Variants in PPFIA2 observed in about 807,000 individuals in gnomAD.
PPFIA2 encodes PPFI scaffold protein A2.
In PPFIA2, 46 loss-of-function variants were observed where a neutral mutation model predicts 175.5. The observed-to-expected ratio is 0.26, with a 90% confidence interval of 0.21 to 0.34. The LOEUF (loss-of-function observed/expected upper bound fraction) is 0.34, where lower values mean the gene tolerates loss of function less well. Among genes scored for constraint, PPFIA2 ranks in the 10% least tolerant of loss-of-function variants. PPFIA2 has a pLI of 1.00. For missense variants in PPFIA2, 1,179 were observed against 1,506.1 expected (o/e 0.78, Z 3.60); for synonymous variants, 568 against 511.4 (o/e 1.11, Z -1.49).
intron 3 of PPFIA2, among the ~76,000 whole-genome samples, chr12:81,681,500 G>C (rs1299792641): frequency 6.6e-6 from 1 of 151,976 alleles, no homozygotes; most frequent in African/African-American, 2.4e-5. Flanking sequence ...GTGAGACTTA[G>C]GGCATTCTCA....
At chr12:81,517,149 T>C (rs1259507707) in intron 4 of PPFIA2, among the ~76,000 whole-genome samples, 2 of 146,126 alleles carry the variant, frequency 1.4e-5, no homozygotes, top group Non-Finnish European at 3.0e-5. Flanking sequence ...TGTTCAGAGC[T>C]CTAGTAGAAG....
Position 81,562,846 on chromosome 12 carries a change from CAAAAAAAAAAAAAAAA to C in PPFIA2, c.304-104996_304-104981del, listed in dbSNP as rs11475809. On this transcript the variant is annotated intron_variant, in intron 4 of 32. Transcript: ENST00000549396. ...TGGGCGACAGAGCGAGACTCTGTCT[CAAAAAAAAAAAAAAAA>C]AAAAAAAAAAAAAGAGAGAGTATGT... Among the ~76,000 whole-genome samples the C allele has an allele frequency of 0.014, 417 of 29,618 alleles. 27 individuals carry two copies. In the East Asian group the frequency reaches 0.27, roughly 19 times the overall value. 19.4% of individuals were successfully genotyped at this position (29,618 alleles called of 152,430 possible).
intron 4 of PPFIA2, among the ~76,000 whole-genome samples, chr12:81,479,225 G>C (rs2057880328): frequency 6.6e-6 from 1 of 152,100 alleles, no homozygotes; most frequent in Admixed American, 6.6e-5. Context: ...TTTTATCAGA[G>C]ACCAGGATTG....
chr12:81,553,753 C>T (rs1178129878), intron 4 of PPFIA2, among the ~76,000 whole-genome samples: 1 of 151,978 alleles, frequency 6.6e-6, no homozygotes, highest in Admixed American at 6.6e-5. Flanking sequence ...CATTGAGAGA[C>T]TTTGGGTGAG....
chr12:81,375,449 C>G (rs1234497673), intron 10 of PPFIA2, among the ~76,000 whole-genome samples: 1 of 152,124 alleles, frequency 6.6e-6, no homozygotes, highest in Non-Finnish European at 1.5e-5. Flanking sequence ...GAAAGTCTGA[C>G]TGTCTCTGAA....
chr12:81,263,336 G>A lies in PPFIA2; in HGVS notation c.3610C>T (p.Arg1204Cys), dbSNP rs1452361371. The A allele has an allele frequency of 2.5e-6, 4 of 1,612,674 alleles. No individual in the cohort carries two copies. The highest frequency in any genetic ancestry group is 1.3e-5 in the African/African-American group (1 of 74,884). ...GSTWRRQFPP[R>C]EVHGISMMPG... Reference sequence around the variant, plus strand: ...ATCATGCTGATTCCATGTACTTCACGAGGAGGAAACTGCCTTCTCCAGGTT... The same window carrying A: ...ATCATGCTGATTCCATGTACTTCACAAGGAGGAAACTGCCTTCTCCAGGTT... The change falls in exon 31 of 33, where the codon CGT becomes TGT. Residue 1204 changes from arginine to cysteine, a missense_variant. By Grantham distance (180) the Arg-to-Cys change is radical. Around this residue, in one of 10 missense-constraint regions of PPFIA2, gnomAD observed 245 missense variants for 375.1 expected, o/e 0.65. Transcript: ENST00000549396.
intron 3 of PPFIA2, among the ~76,000 whole-genome samples, chr12:81,750,987 T>A (rs996203906): frequency 2.4e-4 from 37 of 152,282 alleles, no homozygotes; most frequent in African/African-American, 7.7e-4. Context: ...CAGCTAAATG[T>A]CAAGTGCAAT....
At chr12:81,495,269 A>C (rs993458852) in intron 4 of PPFIA2, among the ~76,000 whole-genome samples, 13 of 152,102 alleles carry the variant, frequency 8.5e-5, no homozygotes, top group African/African-American at 3.1e-4. Context: ...GGAATTTCTG[A>C]TATAATGTAA....
rs538119809 is a variant in PPFIA2 at position 81,494,632 on chromosome 12, G to C, written c.304-36766C>G. On this transcript the variant is annotated intron_variant, in intron 4 of 32. Coordinates refer to ENST00000549396, the MANE Select transcript of PPFIA2 (RefSeq NM_003625.5). Reference sequence around the variant, plus strand: ...GGACTATAAATCATGCTGCTATAAAGACACATGCACATTTATGTTTATTGC... The same window carrying C: ...GGACTATAAATCATGCTGCTATAAACACACATGCACATTTATGTTTATTGC... Among the ~76,000 whole-genome samples the C allele has an allele frequency of 1.2e-4, 19 of 152,056 alleles. 1 individual carries two copies. The highest frequency in any genetic ancestry group is 4.6e-4 in the African/African-American group (19 of 41,474).
At chr12:81,577,702 G>A (rs754646043) in intron 4 of PPFIA2, among the ~76,000 whole-genome samples, 1 of 151,846 alleles carries the variant, frequency 6.6e-6, no homozygotes, top group Non-Finnish European at 1.5e-5. Context: ...GGAAGAGCAG[G>A]TTGGTTTAGC....
intron 3 of PPFIA2, among the ~76,000 whole-genome samples, chr12:81,705,083 T>TA (rs557079067): frequency 0.33 from 10,796 of 32,342 alleles, 3,353 homozygotes; most frequent in Non-Finnish European, 0.42. Flanking sequence ...AAACTCTGTC[T>TA]AAAAAAAAAA....
At chr12:81,678,250 G>A (rs1024971948) in intron 3 of PPFIA2, among the ~76,000 whole-genome samples, 4 of 151,784 alleles carry the variant, frequency 2.6e-5, no homozygotes, top group Non-Finnish European at 4.4e-5. Context: ...AAATTTAAAT[G>A]CCTATGATGA....
At chr12:81,692,554 G>T (rs753835784) in intron 3 of PPFIA2, among the ~76,000 whole-genome samples, 1 of 151,990 alleles carries the variant, frequency 6.6e-6, no homozygotes, top group Non-Finnish European at 1.5e-5. Context: ...ATATTTTACA[G>T]GTTGAATCTT....
intron 4 of PPFIA2, among the ~76,000 whole-genome samples, chr12:81,663,351 C>A (rs1411757490): frequency 6.6e-6 from 1 of 152,176 alleles, no homozygotes; most frequent in African/African-American, 2.4e-5. Flanking sequence ...TCTCAGGATA[C>A]AAAATCAATC....
intron 19 of PPFIA2, among the ~76,000 whole-genome samples, chr12:81,344,281 C>A (rs2058664092): frequency 6.6e-6 from 1 of 151,228 alleles, no homozygotes; most frequent in Admixed American, 6.6e-5. Flanking sequence ...TGTCCTCACC[C>A]TATCAAAATA....
At chr12:81,335,549 G>A (rs895033552) in intron 21 of PPFIA2, among the ~76,000 whole-genome samples, 1 of 152,096 alleles carries the variant, frequency 6.6e-6, no homozygotes, top group Non-Finnish European at 1.5e-5. Context: ...TAAGAGACCA[G>A]CCTGGCCAAC....
intron 4 of PPFIA2, among the ~76,000 whole-genome samples, chr12:81,634,578 AG>A (rs1439538881): frequency 6.6e-6 from 1 of 152,052 alleles, no homozygotes; most frequent in African/African-American, 2.4e-5. Flanking sequence ...ATCACACCAG[AG>A]GCTTCTGTAT....
At chr12:81,522,066 C>G (rs1172923191) in intron 4 of PPFIA2, among the ~76,000 whole-genome samples, 2 of 151,958 alleles carry the variant, frequency 1.3e-5, no homozygotes, top group African/African-American at 4.8e-5. Context: ...TATACTTGTT[C>G]CATAATAGCT....
chr12:81,354,170 A>G (rs991253650), intron 16 of PPFIA2, among the ~76,000 whole-genome samples: 1 of 152,132 alleles, frequency 6.6e-6, no homozygotes, highest in African/African-American at 2.4e-5. Context: ...GGCTGTGACA[A>G]TTTTTAAACA....
Sources: allele counts gnomAD v4.1 joint callset (sites outside exome capture counted in the v4.1 genomes callset), GRCh38; gene constraint gnomAD v4.1.1; regional missense constraint gnomAD v4.1.1; transcripts MANE v1.5; gene names NCBI Gene and HGNC (gene_info 2026-07-23, HGNC 2026-07-21).